SMG1: variants seen among roughly 807,000 people sequenced by gnomAD.
SMG1 encodes the protein serine/threonine-protein kinase SMG1.
SMG1 carries 22 observed loss-of-function variants against 419.9 expected under a neutral mutation model. The ratio of observed to expected loss-of-function variants is 0.05; its 90% CI spans 0.04 to 0.07. SMG1 has a LOEUF of 0.07. SMG1 is among the 10% of genes least tolerant of loss of function. The pLI is 1.00. For missense variants in SMG1, 3,185 were observed against 4,342.0 expected (o/e 0.73, Z 7.49); for synonymous variants, 1,538 against 1,553.5 (o/e 0.99, Z 0.23).
At chr16:18,890,712 T>C (rs1360194706) in intron 5 of SMG1, 151 bp downstream of exon 5, 4 of 613,488 alleles carry the variant, frequency 6.5e-6, no homozygotes, top group East Asian at 2.8e-5. Flanking sequence ...AATTAACACA[T>C]AATTAATGCA....
At chr16:18,811,581 C>CA (rs2031402440) in intron 62 of SMG1, among the ~76,000 whole-genome samples, 180 bp downstream of exon 62, 1 of 152,132 alleles carries the variant, frequency 6.6e-6, no homozygotes, top group East Asian at 1.9e-4. Flanking sequence ...AGGGAAGGGT[C>CA]AGAGTAAAAT....
At chr16:18,853,479 T>C (rs1343709176) in intron 31 of SMG1, 104 bp downstream of exon 31, 5 of 1,047,896 alleles carry the variant, frequency 4.8e-6, no homozygotes, top group African/African-American at 3.2e-5. Flanking sequence ...TCCACAGATA[T>C]ACTTTTTATG....
intron 30 of SMG1, among the ~76,000 whole-genome samples, chr16:18,854,155 G>T (rs1171307964): frequency 7.4e-6 from 1 of 135,306 alleles, no homozygotes; most frequent in Non-Finnish European, 1.5e-5. Flanking sequence ...AGCACAATCA[G>T]GGCTCACTGT....
intron 39 of SMG1, among the ~76,000 whole-genome samples, chr16:18,843,990 A>G (rs1002249212): frequency 6.8e-6 from 1 of 148,148 alleles, no homozygotes; most frequent in African/African-American, 2.5e-5. Context: ...AAATCATTTT[A>G]AAAATTTTCT....
chr16:18,845,122 C>T (rs2034184550), intron 39 of SMG1, among the ~76,000 whole-genome samples: 1 of 152,142 alleles, frequency 6.6e-6, no homozygotes, highest in African/African-American at 2.4e-5. Context: ...AGCAGGCAAC[C>T]AATATTTAGC....
Position 18,892,335 on chromosome 16 carries a change from A to T in SMG1, c.432T>A (p.Ser144=). ...RKSQERSMSY[S]DESRLSNLLR... is the part of the protein sequence containing the mutation. ...GAAGATTCGACAGTCGAGACTCATCAGAATAAGACATCGATCTCTCTGTGA... is the reference window on the plus strand; with the variant it reads ...GAAGATTCGACAGTCGAGACTCATCTGAATAAGACATCGATCTCTCTGTGA... The change falls in exon 4 of 63, where the codon TCT becomes TCA. Residue 144 remains serine (S), a synonymous_variant. Coordinates refer to ENST00000446231, the MANE Select transcript of SMG1 (RefSeq NM_015092.5). 1 of 1,549,602 alleles carries T rather than the reference A, an allele frequency of 6.5e-7. No individual in the cohort carries two copies. The highest frequency in any genetic ancestry group is 8.7e-7 in the Non-Finnish European group (1 of 1,146,558).
At chr16:18,875,019 C>CAT (rs1202578134) in intron 13 of SMG1, 2 of 146,040 alleles carry the variant, frequency 1.4e-5, no homozygotes, top group Non-Finnish European at 3.0e-5. Flanking sequence ...AGAATACTTG[C>CAT]ATATATATAA....
chr16:18,921,350 C>A (rs1212831376), intron 1 of SMG1, among the ~76,000 whole-genome samples: 1 of 149,824 alleles, frequency 6.7e-6, no homozygotes, highest in East Asian at 1.9e-4. Context: ...TATCTCAAAA[C>A]AGAGGAAAGA....
At position 18,852,098 on chromosome 16, in the gene SMG1, C is replaced by T; in HGVS notation, c.5021G>A (p.Gly1674Glu). Residue 1674 changes from glycine to glutamate, a missense_variant, in exon 33 of 63, where the codon GGA becomes GAA. Physicochemically the swap from Gly to Glu is moderately conservative, Grantham distance 98 (BLOSUM62 -2). Transcript: ENST00000446231. ...CCCCGCCGGCCGACACACAGCCTGT[C>T]CAAGAATACCATATATTCTCTCTTT... is the stretch of plus-strand genomic sequence containing the variant. ...EEKERIYGIL[G>E]QAVCRPAGIQ... 6.2e-7 allele frequency: 1 copy of T among 1,613,276 alleles called. No individual in the cohort carries two copies. The highest frequency in any genetic ancestry group is 8.5e-7 in the Non-Finnish European group (1 of 1,179,656).
chr16:18,884,828 T>C (rs2036550168), intron 8 of SMG1: 1 of 424,184 alleles, frequency 2.4e-6, no homozygotes, highest in Non-Finnish European at 4.2e-6. Context: ...GCCACTACAA[T>C]ATATTCTTAC....
At chr16:18,855,727 T>G (rs958573186) in intron 29 of SMG1, among the ~76,000 whole-genome samples, 10 of 152,186 alleles carry the variant, frequency 6.6e-5, no homozygotes, top group African/African-American at 2.4e-4. Flanking sequence ...CTAGTTACCC[T>G]CTTTAGCAGA....
At position 18,827,567 on chromosome 16, in the gene SMG1, A is replaced by G. The variant is rs973749596; in HGVS notation, c.9741+464T>C. Among the ~76,000 whole-genome samples the G allele has an allele frequency of 2.8e-5, 4 of 142,014 alleles. No homozygotes were observed. The East Asian group carries it at 8.0e-4, about 28-fold the overall frequency. The allele number at this position is 142,014 out of a possible 152,430, so 93.2% of individuals were successfully genotyped here. A position where few individuals can be genotyped will look rare whatever the true frequency, so the allele number is the denominator to read the frequency against. ...ATATTTTTTTATATATCTTTGGTAT[A>G]AATATACCAAAATATATATTTTTAG... On this transcript the variant is annotated intron_variant, in intron 55 of 62. Coordinates refer to ENST00000446231, the MANE Select transcript of SMG1 (RefSeq NM_015092.5).
At chr16:18,901,434 A>C (rs1425076801) in intron 1 of SMG1, among the ~76,000 whole-genome samples, 1 of 152,002 alleles carries the variant, frequency 6.6e-6, no homozygotes, top group Non-Finnish European at 1.5e-5. Flanking sequence ...GGCTGCTCTC[A>C]ATTTCCTGGA....
chr16:18,877,534 A>G (rs1596577048), intron 11 of SMG1: 1 of 218,122 alleles, frequency 4.6e-6, no homozygotes, highest in East Asian at 9.4e-5. Context: ...TAGGGGATAC[A>G]TGTCATTACA....
chr16:18,869,368 T>C (rs1361402182), intron 19 of SMG1, 65 bp from the exon 20 acceptor site: 2 of 1,315,862 alleles, frequency 1.5e-6, no homozygotes, highest in Admixed American at 2.2e-5. Context: ...AAAAAAAAAA[T>C]GCAAGGGGAA....
At position 18,806,363 on chromosome 16, in the gene SMG1, AAAAGT is replaced by A. The variant is rs1480501933; in HGVS notation, c.*3201_*3205del. On this transcript the variant is annotated 3_prime_UTR_variant, in exon 63 of 63. Transcript: ENST00000446231. Reference sequence around the variant, plus strand: ...CCTAAACCTGGGGTTTGGGCTCTAAAAAAGTAATTTAGGGAAGCAGATCAAGAGCC... The same window carrying A: ...CCTAAACCTGGGGTTTGGGCTCTAAAAATTTAGGGAAGCAGATCAAGAGCC... 2 of 152,640 alleles carry A rather than the reference AAAAGT, an allele frequency of 1.3e-5. No individual in the cohort carries two copies. The highest frequency in any genetic ancestry group is 2.9e-5 in the Non-Finnish European group (2 of 68,038). The allele number at this position is 152,640 out of a possible 1,614,324, so 9.5% of individuals were successfully genotyped here.
intron 1 of SMG1, 74 bp from the exon 2 acceptor site, chr16:18,897,030 T>C: frequency 9.3e-7 from 1 of 1,080,396 alleles, no homozygotes; most frequent in Non-Finnish European, 1.3e-6. Flanking sequence ...AAGCCTCTCT[T>C]CTCCCAAATT....
At chr16:18,842,486 C>T (rs771661376) in intron 39 of SMG1, 32 bp from the exon 40 acceptor site, 1 of 1,598,096 alleles carries the variant, frequency 6.3e-7, no homozygotes, top group East Asian at 2.2e-5. Flanking sequence ...AACAAATTTA[C>T]ATTACATTAG....
chr16:18,872,382 A>C, intron 14 of SMG1, 37 bp from the exon 15 acceptor site: 1 of 1,522,920 alleles, frequency 6.6e-7, no homozygotes, highest in Non-Finnish European at 8.8e-7. Flanking sequence ...TTCATCTTTA[A>C]TCAAAGAAAG....
Sources: allele counts gnomAD v4.1 joint callset (sites outside exome capture counted in the v4.1 genomes callset), GRCh38; gene constraint gnomAD v4.1.1; transcripts MANE v1.5; gene names NCBI Gene and HGNC (gene_info 2026-07-23, HGNC 2026-07-21).